CCDC158: variants seen among roughly 807,000 people sequenced by gnomAD.
CCDC158 encodes coiled-coil domain containing 158.
In CCDC158, 116 loss-of-function variants were observed where a neutral mutation model predicts 138.6. The observed-to-expected ratio is 0.84, with a 90% CI of 0.72 to 0.98. CCDC158 has a LOEUF of 0.98. CCDC158 is among the 50% of genes least tolerant of loss of function. The pLI, the probability that CCDC158 is intolerant of heterozygous loss-of-function variation, is 0.00. For missense variants in CCDC158, 1,265 were observed against 1,306.1 expected (o/e 0.97, Z 0.48); for synonymous variants, 436 against 442.4 (o/e 0.99, Z 0.18).
At chr4:76,338,236 G>A (rs1348770737) in intron 18 of CCDC158, among the ~76,000 whole-genome samples, 2 of 152,214 alleles carry the variant, frequency 1.3e-5, no homozygotes, top group Non-Finnish European at 2.9e-5. Context: ...CAAAAGCCGG[G>A]TGCAGTGGCT....
chr4:76,382,598 C>T lies in CCDC158; in HGVS notation c.914+12G>A, dbSNP rs368082232. ...AATGAAGATGAATGACTAACAGTTT[C>T]AAACCACATACTGAATGATTTCCAT... On this transcript the variant is annotated intron_variant, in intron 8 of 24. Transcript: ENST00000682701. 252 of 1,523,702 alleles carry T rather than the reference C, an allele frequency of 1.7e-4. No individual in the cohort carries two copies. Among genetic ancestry groups the T allele is most frequent in the Non-Finnish European group, 2.1e-4 (228 of 1,100,214 alleles). The allele number at this position is 1,523,702 out of a possible 1,614,324, so 94.4% of individuals were successfully genotyped here.
At chr4:76,350,955 A>G (rs1722981403) in intron 18 of CCDC158, 41 bp downstream of exon 18, 3 of 1,585,140 alleles carry the variant, frequency 1.9e-6, no homozygotes, top group Non-Finnish European at 2.6e-6. Context: ...TTACTTACGC[A>G]TATGTCATTT....
chr4:76,412,323 C>G (rs1729354199), intron 1 of CCDC158, among the ~76,000 whole-genome samples, 191 bp from the exon 2 acceptor site: 1 of 152,096 alleles, frequency 6.6e-6, no homozygotes, highest in African/African-American at 2.4e-5. Flanking sequence ...TTTTAAGAGC[C>G]TAGAGCAGGC....
At chr4:76,393,667 G>A (rs909384346) in intron 4 of CCDC158, among the ~76,000 whole-genome samples, 3 of 151,894 alleles carry the variant, frequency 2.0e-5, no homozygotes, top group Middle Eastern at 3.2e-3. Flanking sequence ...CACAACAAAG[G>A]AAACAATCAA....
intron 2 of CCDC158, 60 bp from the exon 3 acceptor site, chr4:76,403,340 A>C (rs1456041695): frequency 1.9e-6 from 1 of 531,186 alleles, no homozygotes. Context: ...AAGTTCATAG[A>C]AGAACAGGAA....
chr4:76,389,749 T>C (rs539042583), intron 4 of CCDC158, among the ~76,000 whole-genome samples: 2 of 152,170 alleles, frequency 1.3e-5, no homozygotes, highest in South Asian at 2.1e-4. Flanking sequence ...GGAGCTCCAA[T>C]ACATCTGGCA....
chr4:76,343,750 G>T (rs556625531), intron 18 of CCDC158, among the ~76,000 whole-genome samples: 2 of 152,190 alleles, frequency 1.3e-5, no homozygotes, highest in East Asian at 3.9e-4. Context: ...ACAGTGAGCC[G>T]AGATCATGCA....
At chr4:76,397,171 G>C (rs1727895253) in intron 3 of CCDC158, among the ~76,000 whole-genome samples, 1 of 151,904 alleles carries the variant, frequency 6.6e-6, no homozygotes, top group Non-Finnish European at 1.5e-5. Flanking sequence ...AAGGAAGAGT[G>C]TATGTGTTTA....
chr4:76,367,164 T>A, intron 12 of CCDC158, 130 bp downstream of exon 12: 1 of 986,644 alleles, frequency 1.0e-6, no homozygotes, highest in Non-Finnish European at 1.5e-6. Flanking sequence ...AACACACATA[T>A]ACACATAGAA....
At position 76,367,419 on chromosome 4, in the gene CCDC158, G is replaced by C; in HGVS notation, c.1705C>G (p.Gln569Glu). Reference protein sequence around the residue: ...EKDKVIEILRQQIENMTQLVG... With the variant: ...EKDKVIEILREQIENMTQLVG... Reference sequence around the variant, plus strand: ...AGCTGTGTCATGTTCTCAATCTGCTGTCGCAGAATCTCGATCACCTTGTCC... The same window carrying C: ...AGCTGTGTCATGTTCTCAATCTGCTCTCGCAGAATCTCGATCACCTTGTCC... The change falls in exon 12 of 25, where the codon CAG becomes GAG. Residue 569 changes from glutamine to glutamate, a missense_variant. By Grantham distance (29) the Gln-to-Glu change is conservative. Transcript: ENST00000682701. 2 of 1,614,216 alleles carry C rather than the reference G, an allele frequency of 1.2e-6. No individual in the cohort carries two copies. Among genetic ancestry groups the C allele is most frequent in the South Asian group, 2.2e-5 (2 of 91,084 alleles).
intron 8 of CCDC158, among the ~76,000 whole-genome samples, chr4:76,380,252 G>A (rs1460312258): frequency 7.2e-5 from 11 of 152,168 alleles, no homozygotes; most frequent in East Asian, 5.8e-4. Flanking sequence ...ACAGAAAGAC[G>A]AGGGAAAGTC....
chr4:76,421,427 A>T (rs1730120475), upstream of CCDC158, among the ~76,000 whole-genome samples: 1 of 151,892 alleles, frequency 6.6e-6, no homozygotes, highest in South Asian at 2.1e-4. Flanking sequence ...CTGCCCCAGA[A>T]ACTACCCTGG....
chr4:76,361,509 C>T (rs920831593), intron 13 of CCDC158, among the ~76,000 whole-genome samples: 11 of 152,322 alleles, frequency 7.2e-5, no homozygotes, highest in Non-Finnish European at 1.6e-4. Context: ...TTGCAGTGAG[C>T]TGAGATCACG....
chr4:76,324,072 T>A (rs1427167164), intron 23 of CCDC158, among the ~76,000 whole-genome samples: 1 of 152,242 alleles, frequency 6.6e-6, no homozygotes, highest in South Asian at 2.1e-4. Flanking sequence ...GCTGTATAAA[T>A]TTGACAATAT....
At chr4:76,421,514 C>G (rs892876612), upstream of CCDC158, among the ~76,000 whole-genome samples, 6 of 152,116 alleles carry the variant, frequency 3.9e-5, no homozygotes, top group African/African-American at 1.2e-4. Context: ...CTCTTGCCCC[C>G]ACCCGAGCGC....
chr4:76,326,000 T>C lies in CCDC158; in HGVS notation c.3026A>G (p.Lys1009Arg), dbSNP rs1720496094. Residue 1009 changes from lysine to arginine, a missense_variant, in exon 23 of 25, where the codon AAA becomes AGA. By Grantham distance (26) the Lys-to-Arg change is conservative (BLOSUM62 2). Transcript: ENST00000682701. ...ATTGAATGAACGAGAAGCTGAGTTTTTCACAGATGGACTTGCTAAAAGTTT... is the reference window on the plus strand; with the variant it reads ...ATTGAATGAACGAGAAGCTGAGTTTCTCACAGATGGACTTGCTAAAAGTTT... Reference protein sequence around the residue: ...TFTSAASPSVKNSASRSFNSS... With the variant: ...TFTSAASPSVRNSASRSFNSS... The C allele has an allele frequency of 6.2e-7, 1 of 1,612,198 alleles. No individual in the cohort carries two copies. Among genetic ancestry groups the C allele is most frequent in the Admixed American group, 1.7e-5 (1 of 59,674 alleles).
chr4:76,388,388 A>T (rs1041424928), intron 4 of CCDC158, among the ~76,000 whole-genome samples: 6 of 152,134 alleles, frequency 3.9e-5, no homozygotes, highest in African/African-American at 1.4e-4. Flanking sequence ...CAGGCCTGGC[A>T]ACATTCACCA....
chr4:76,345,266 C>T (rs2110148380), intron 18 of CCDC158: 2 of 941,054 alleles, frequency 2.1e-6, no homozygotes, highest in East Asian at 4.8e-5. Flanking sequence ...TCCAACGATA[C>T]TACATGCTCA....
intron 14 of CCDC158, 80 bp downstream of exon 14, chr4:76,357,294 G>T: frequency 1.1e-6 from 1 of 929,896 alleles, no homozygotes; most frequent in Non-Finnish European, 1.6e-6. Context: ...GGTAGGTAAC[G>T]TATTTGAGTT....
Sources: allele counts gnomAD v4.1 joint callset (sites outside exome capture counted in the v4.1 genomes callset), GRCh38; gene constraint gnomAD v4.1.1; transcripts MANE v1.5; gene names NCBI Gene and HGNC (gene_info 2026-07-23, HGNC 2026-07-21).